The following RYR2 variants were observed in gnomAD, a reference collection of about 807,000 sequenced individuals.
The protein encoded by RYR2 is cardiac muscle ryanodine receptor-calcium release channel.
In RYR2, 227 loss-of-function variants were observed where a neutral mutation model predicts 601.1. The ratio of observed to expected loss-of-function variants is 0.38; its 90% CI spans 0.34 to 0.42. The LOEUF is 0.42. RYR2 is among the 10% of genes least tolerant of loss of function. RYR2 has a pLI of 1.00. For missense variants in RYR2, 4,646 were observed against 6,156.5 expected (o/e 0.75, Z 8.21); for synonymous variants, 2,223 against 2,175.1 (o/e 1.02, Z -0.61).
intron 2 of RYR2, among the ~76,000 whole-genome samples, chr1:237,292,163 A>G (rs954433963): frequency 6.6e-6 from 1 of 152,254 alleles, no homozygotes; most frequent in African/African-American, 2.4e-5. Flanking sequence ...AGAAATTGAT[A>G]AAGTATAGTG....
chr1:237,321,405 AC>A (rs1391383483), intron 2 of RYR2, among the ~76,000 whole-genome samples: 1 of 152,118 alleles, frequency 6.6e-6, no homozygotes, highest in Non-Finnish European at 1.5e-5. Context: ...TTTTTAAATA[AC>A]AGATTTCTTA....
intron 27 of RYR2, among the ~76,000 whole-genome samples, chr1:237,560,988 T>G (rs1435450701): frequency 6.6e-6 from 1 of 152,062 alleles, no homozygotes; most frequent in Non-Finnish European, 1.5e-5. Context: ...GTAGTGAAAT[T>G]GGACAGTAAT....
intron 1 of RYR2, among the ~76,000 whole-genome samples, chr1:237,096,558 T>C (rs918732877): frequency 2.0e-5 from 3 of 152,232 alleles, no homozygotes; most frequent in Admixed American, 1.3e-4. Context: ...TTGGTATATA[T>C]TGGTATATAT....
At chr1:237,662,114 A>G (rs1457218744) in intron 56 of RYR2, among the ~76,000 whole-genome samples, 2 of 152,164 alleles carry the variant, frequency 1.3e-5, no homozygotes, top group African/African-American at 4.8e-5. Context: ...CCATATTTGA[A>G]ATATACTTTT....
chr1:237,770,744 G>A (rs1694203230), intron 84 of RYR2, 63 bp from the exon 85 acceptor site: 3 of 1,026,168 alleles, frequency 2.9e-6, no homozygotes, highest in East Asian at 2.6e-5. Flanking sequence ...TGGAGGTGGG[G>A]ACAGAAAGGG....
chr1:237,171,649 A>G (rs1677408652), intron 1 of RYR2, among the ~76,000 whole-genome samples: 1 of 152,080 alleles, frequency 6.6e-6, no homozygotes, highest in Non-Finnish European at 1.5e-5. Flanking sequence ...ACAAACAAAA[A>G]TCTCTGAGAC....
intron 44 of RYR2, among the ~76,000 whole-genome samples, chr1:237,636,561 T>A (rs1680894252): frequency 1.3e-5 from 2 of 152,224 alleles, no homozygotes; most frequent in Non-Finnish European, 2.9e-5. Flanking sequence ...TAGAACTCTC[T>A]TCTACTTCTG....
chr1:237,550,203 C>T lies in RYR2; in HGVS notation c.3067-341C>T, dbSNP rs149845855. On this transcript the variant is annotated intron_variant, in intron 26 of 104. Coordinates refer to ENST00000366574, the MANE Select transcript of RYR2 (RefSeq NM_001035.3). ...AATTTGGCTGTTCTTGGAATAAAAC[C>T]CTGTCCATGAACTGTACTCAGAAGT... Among the ~76,000 whole-genome samples the T allele has an allele frequency of 3.5e-4, 54 of 152,264 alleles. No homozygotes were observed. In the East Asian group the frequency reaches 9.9e-3, roughly 28 times the overall value.
At chr1:237,488,062 C>G (rs1662896732) in intron 17 of RYR2, among the ~76,000 whole-genome samples, 1 of 152,060 alleles carries the variant, frequency 6.6e-6, no homozygotes, top group Non-Finnish European at 1.5e-5. Flanking sequence ...CTATTTACTT[C>G]CAAAATCTGG....
At chr1:237,656,547 G>A (rs1214561025) in intron 53 of RYR2, among the ~76,000 whole-genome samples, 7 of 152,190 alleles carry the variant, frequency 4.6e-5, no homozygotes, top group African/African-American at 9.6e-5. Context: ...GGTGTTCGAC[G>A]TCTGAGCATT....
At chr1:237,492,907 A>T in intron 18 of RYR2, 47 bp from the exon 19 acceptor site, 1 of 1,031,474 alleles carries the variant, frequency 9.7e-7, no homozygotes, top group East Asian at 3.7e-5. Flanking sequence ...GAGGGAGGGA[A>T]AGCAGGGAGG....
intron 10 of RYR2, among the ~76,000 whole-genome samples, chr1:237,389,432 T>C (rs754626799): frequency 3.2e-4 from 48 of 152,068 alleles, no homozygotes; most frequent in African/African-American, 4.1e-4. Flanking sequence ...AATAGTTAGT[T>C]CTCTTTTAAA....
Position 237,591,083 on chromosome 1 carries a change from CCTCCTT to C in RYR2, c.4160+97_4160+102del, listed in dbSNP as rs1362300880. On this transcript the variant is annotated intron_variant, in intron 31 of 104. Transcript: ENST00000366574. ...AAGGGTCTCCTAGTGTAAATTTTTT[CCTCCTT>C]CTCCTCCTCCTCCTCCTCCTCCTCT... is the stretch of plus-strand genomic sequence containing the variant. 2.3e-5 allele frequency: 18 copies of C among 791,044 alleles called. No individual in the cohort carries two copies. In the East Asian group the frequency reaches 5.8e-4, roughly 25 times the overall value. 49.0% of individuals were successfully genotyped at this position (791,044 alleles called of 1,614,324 possible).
intron 20 of RYR2, among the ~76,000 whole-genome samples, chr1:237,499,500 C>T (rs1361102367): frequency 2.6e-5 from 4 of 152,102 alleles, no homozygotes; most frequent in East Asian, 3.9e-4. Flanking sequence ...TAAATAACAT[C>T]GCTATTAGCT....
At chr1:237,252,873 A>G (rs1262111654) in intron 1 of RYR2, among the ~76,000 whole-genome samples, 1 of 152,172 alleles carries the variant, frequency 6.6e-6, no homozygotes, top group African/African-American at 2.4e-5. Context: ...ATTATAAATT[A>G]TAAAATAATG....
chr1:237,594,831 G>A (rs542236874), intron 33 of RYR2, among the ~76,000 whole-genome samples: 2 of 138,934 alleles, frequency 1.4e-5, no homozygotes, highest in African/African-American at 2.8e-5. Context: ...ACCATCTCTA[G>A]TAAAAGCTTT....
chr1:237,399,799 C>A (rs1285321108), intron 10 of RYR2, among the ~76,000 whole-genome samples: 1 of 151,772 alleles, frequency 6.6e-6, no homozygotes, highest in East Asian at 1.9e-4. Context: ...GTGAGACGTG[C>A]AGTTTCGGGG....
intron 1 of RYR2, among the ~76,000 whole-genome samples, chr1:237,110,639 C>G (rs1669367713): frequency 6.6e-6 from 1 of 152,148 alleles, no homozygotes; most frequent in Non-Finnish European, 1.5e-5. Context: ...AACTCTCGCT[C>G]TAGGCAAAGC....
chr1:237,321,872 A>G lies in RYR2; in HGVS notation c.169-9006A>G, dbSNP rs145341750. 1.7e-3 allele frequency among the ~76,000 whole-genome samples: 259 copies of G among 152,310 alleles called. 1 individual carries two copies. The highest frequency in any genetic ancestry group is 3.3e-3 in the Admixed American group (50 of 15,294). On this transcript the variant is annotated intron_variant, in intron 2 of 104. Coordinates refer to ENST00000366574, the MANE Select transcript of RYR2 (RefSeq NM_001035.3). ...GAGAAACATGAGGCTTCTTAATGTT[A>G]AGGATGTTATCTACAGAAATAAGGA... is the stretch of plus-strand genomic sequence containing the variant.
Sources: allele counts gnomAD v4.1 joint callset (sites outside exome capture counted in the v4.1 genomes callset), GRCh38; gene constraint gnomAD v4.1.1; transcripts MANE v1.5; gene names NCBI Gene and HGNC (gene_info 2026-07-23, HGNC 2026-07-21).